LMBRD1: variants seen among roughly 807,000 people sequenced by gnomAD.
LMBRD1 encodes the protein LMBR1 domain containing 1.
Under a neutral mutation model 74.8 loss-of-function variants are expected in LMBRD1, and 64 were observed. The observed-to-expected ratio is 0.86, with a 90% CI of 0.70 to 1.05. LMBRD1 has a LOEUF of 1.05. Ranked by LOEUF, LMBRD1 falls within the 50% of genes least tolerant of loss-of-function variation. The pLI is 0.00. For missense variants in LMBRD1, 652 were observed against 645.9 expected, an observed-to-expected ratio of 1.01 and a Z score of -0.10; for synonymous variants, 204 against 216.3, an observed-to-expected ratio of 0.94 and a Z score of 0.50.
At chr6:69,701,855 T>G (rs748214160) in intron 10 of LMBRD1, 34 bp downstream of exon 10, 3 of 1,359,610 alleles carry the variant, frequency 2.2e-6, no homozygotes, top group Admixed American at 3.4e-5. Context: ...AGAATTTGTA[T>G]AAGTGCTTTA....
chr6:69,786,500 T>TCCC (rs1765951189), intron 2 of LMBRD1, among the ~76,000 whole-genome samples: 1 of 137,296 alleles, frequency 7.3e-6, no homozygotes, highest in South Asian at 2.4e-4. Flanking sequence ...TTTTTTTTAC[T>TCCC]ATTGGATCAG....
At position 69,676,514 on chromosome 6, in the gene LMBRD1, A is replaced by T. The variant is rs150780948; in HGVS notation, c.1445T>A (p.Leu482Gln). Residue 482 changes from leucine (L) to glutamine (Q), a missense_variant, in exon 15 of 16, where the codon CTA becomes CAA. Physicochemically the swap from Leu to Gln is moderately radical, Grantham distance 113. Coordinates refer to ENST00000649934, the MANE Select transcript of LMBRD1 (RefSeq NM_018368.4). The stretch of plus-strand genomic sequence containing the variant: ...GAAGAACCAGAACTTGTGAAGGAAT[A>T]GGTATGTCCGGGTAACAGTACACTG... ...EDQCTVTRTY[L>Q]FLHKFWFFSA... 3.7e-6 allele frequency: 6 copies of T among 1,613,242 alleles called. No homozygotes were observed. The highest frequency in any genetic ancestry group is 5.1e-6 in the Non-Finnish European group (6 of 1,179,484).
At chr6:69,695,810 AT>A (rs71748632) in intron 14 of LMBRD1, among the ~76,000 whole-genome samples, 12 of 147,078 alleles carry the variant, frequency 8.2e-5, no homozygotes, top group African/African-American at 3.0e-4. Context: ...TCAACTAATC[AT>A]TTTTTTTTAC....
chr6:69,750,174 T>C lies in LMBRD1; in HGVS notation c.406-766A>G, dbSNP rs138428598. ...TACTTACATACATTAATATATATCTTATACATATATAACATATATCATGCC... is the reference window on the plus strand; with the variant it reads ...TACTTACATACATTAATATATATCTCATACATATATAACATATATCATGCC... On this transcript the variant is annotated intron_variant, in intron 4 of 15. Transcript: ENST00000649934. 2.4e-3 allele frequency among the ~76,000 whole-genome samples: 359 copies of C among 150,288 alleles called. 3 individuals carry two copies. Among genetic ancestry groups the C allele is most frequent in the African/African-American group, 8.3e-3 (342 of 41,214 alleles).
At chr6:69,706,881 C>A (rs565070383) in intron 9 of LMBRD1, among the ~76,000 whole-genome samples, 1 of 152,218 alleles carries the variant, frequency 6.6e-6, no homozygotes, top group East Asian at 1.9e-4. Context: ...AACTTAGTGG[C>A]CTGAAACAGC....
chr6:69,701,894 C>T lies in LMBRD1; in HGVS notation c.975G>A (p.Leu325=), dbSNP rs763696274. 6.3e-7 allele frequency: 1 copy of T among 1,592,420 alleles called. No homozygotes were observed. Among genetic ancestry groups the T allele is most frequent in the East Asian group, 2.2e-5 (1 of 44,534 alleles). ...VALLFVISLF[L]SNLDKALHSA... is the part of the protein sequence containing the mutation. ...AATGTGTCTACTGTACTTACTTTGA[C>T]AAGAAGAGAGAAATTACAAACAGCA... Residue 325 remains leucine (L), a synonymous_variant, in exon 10 of 16, where the codon TTG becomes TTA. Coordinates refer to ENST00000649934, the MANE Select transcript of LMBRD1 (RefSeq NM_018368.4).
intron 9 of LMBRD1, among the ~76,000 whole-genome samples, chr6:69,710,623 T>A (rs1286403674): frequency 6.6e-6 from 1 of 152,104 alleles, no homozygotes; most frequent in Non-Finnish European, 1.5e-5. Context: ...TAATGAACGC[T>A]TGTATCTCAC....
Position 69,741,226 on chromosome 6 carries a change from T to C in LMBRD1, c.562+563A>G, listed in dbSNP as rs997473508. Among the ~76,000 whole-genome samples the C allele has an allele frequency of 2.0e-5, 3 of 152,290 alleles. No individual in the cohort carries two copies. The East Asian group carries it at 5.8e-4, about 29-fold the overall frequency. On this transcript the variant is annotated intron_variant, in intron 6 of 15. Transcript: ENST00000649934. Reference sequence around the variant, plus strand: ...CCTCACTGCTAAAATACTTTGAAGATTAAATTTTCTTTCAACATGGTAATT... The same window carrying C: ...CCTCACTGCTAAAATACTTTGAAGACTAAATTTTCTTTCAACATGGTAATT...
intron 8 of LMBRD1, among the ~76,000 whole-genome samples, chr6:69,714,644 A>G (rs1260409624): frequency 6.6e-6 from 1 of 152,160 alleles, no homozygotes; most frequent in African/African-American, 2.4e-5. Flanking sequence ...TATTCCTATT[A>G]AGGTTTAAAT....
chr6:69,741,354 C>A (rs558050757), intron 6 of LMBRD1, among the ~76,000 whole-genome samples: 1 of 151,160 alleles, frequency 6.6e-6, no homozygotes, highest in East Asian at 1.9e-4. Context: ...TTCAAAATGA[C>A]GAGTTAGAAA....
chr6:69,758,319 A>C (rs1367109946), intron 3 of LMBRD1, among the ~76,000 whole-genome samples: 1 of 152,220 alleles, frequency 6.6e-6, no homozygotes, highest in Non-Finnish European at 1.5e-5. Context: ...TTTAGAGGTC[A>C]AAGTATAAAG....
intron 14 of LMBRD1, among the ~76,000 whole-genome samples, chr6:69,679,526 G>A (rs1483498721): frequency 6.6e-6 from 1 of 151,982 alleles, no homozygotes; most frequent in Non-Finnish European, 1.5e-5. Flanking sequence ...AATGACTGTT[G>A]ACGTTAAAAG....
chr6:69,770,063 C>G (rs1301693551), intron 3 of LMBRD1, among the ~76,000 whole-genome samples: 1 of 152,166 alleles, frequency 6.6e-6, no homozygotes, highest in South Asian at 2.1e-4. Flanking sequence ...TCTCCAGTCT[C>G]CAATACACAT....
At chr6:69,683,457 C>T (rs979227552) in intron 14 of LMBRD1, among the ~76,000 whole-genome samples, 3 of 151,936 alleles carry the variant, frequency 2.0e-5, no homozygotes, top group African/African-American at 7.2e-5. Context: ...TTGGGCTGTT[C>T]TCTGTTCAGT....
intron 3 of LMBRD1, among the ~76,000 whole-genome samples, chr6:69,768,311 G>C (rs867863828): frequency 2.6e-5 from 4 of 151,232 alleles, no homozygotes; most frequent in Non-Finnish European, 5.9e-5. Context: ...ACCAATTCCT[G>C]ACTTATTTTA....
intron 14 of LMBRD1, among the ~76,000 whole-genome samples, chr6:69,695,840 A>G (rs1582056407): frequency 1.3e-5 from 1 of 78,452 alleles, no homozygotes; most frequent in African/African-American, 3.6e-5. Context: ...TAACCTTAGT[A>G]CTTTTTTTTT....
intron 14 of LMBRD1, among the ~76,000 whole-genome samples, chr6:69,692,372 C>T (rs772256199): frequency 2.0e-5 from 3 of 152,080 alleles, no homozygotes; most frequent in Non-Finnish European, 4.4e-5. Flanking sequence ...TTATAGAGAT[C>T]ATTCCATTTC....
intron 7 of LMBRD1, among the ~76,000 whole-genome samples, chr6:69,726,033 T>C (rs1766727021): frequency 6.6e-6 from 1 of 152,050 alleles, no homozygotes. Context: ...CAAACAACTC[T>C]ACAGAAAAAA....
chr6:69,740,674 G>C (rs976183047), intron 6 of LMBRD1, among the ~76,000 whole-genome samples: 1 of 152,158 alleles, frequency 6.6e-6, no homozygotes, highest in Non-Finnish European at 1.5e-5. Context: ...GTTTAGTATT[G>C]TACCTGGGTA....
Sources: allele counts gnomAD v4.1 joint callset (sites outside exome capture counted in the v4.1 genomes callset), GRCh38; gene constraint gnomAD v4.1.1; transcripts MANE v1.5; gene names NCBI Gene and HGNC (gene_info 2026-07-23, HGNC 2026-07-21).